Variants in PDZRN3 observed in about 807,000 individuals in gnomAD.
PDZRN3 encodes PDZ domain containing ring finger 3, also known as E3 ubiquitin-protein ligase PDZRN3.
In PDZRN3, 38 loss-of-function variants were observed where a neutral mutation model predicts 85.7. That is an observed-to-expected ratio of 0.44 (90% CI 0.34 to 0.58). The LOEUF (loss-of-function observed/expected upper bound fraction) is 0.58, where lower values mean the gene tolerates loss of function less well. Among genes scored for constraint, PDZRN3 ranks in the 20% least tolerant of loss-of-function variants. The pLI is 0.01. For missense variants in PDZRN3, 1,629 were observed against 1,506.4 expected (o/e 1.08, Z -1.35); for synonymous variants, 759 against 638.0 (o/e 1.19, Z -2.86).
intron 3 of PDZRN3, among the ~76,000 whole-genome samples, chr3:73,445,188 T>G (rs1702723127): frequency 6.6e-6 from 1 of 151,106 alleles, no homozygotes; most frequent in South Asian, 2.1e-4. Context: ...CAGCCAGAAG[T>G]GGATCTGGGA....
intron 3 of PDZRN3, among the ~76,000 whole-genome samples, chr3:73,417,894 T>A (rs1388103149): frequency 6.6e-6 from 1 of 152,162 alleles, no homozygotes; most frequent in Non-Finnish European, 1.5e-5. Flanking sequence ...AAATATTGGC[T>A]TTGCAAGAAG....
intron 3 of PDZRN3, among the ~76,000 whole-genome samples, chr3:73,499,160 A>G (rs895051464): frequency 2.0e-4 from 30 of 152,184 alleles, no homozygotes; most frequent in African/African-American, 7.0e-4. Context: ...CCACCTGCCA[A>G]CAGCATGCCT....
At chr3:73,453,012 G>A (rs925442852) in intron 3 of PDZRN3, among the ~76,000 whole-genome samples, 4 of 152,116 alleles carry the variant, frequency 2.6e-5, no homozygotes, top group Non-Finnish European at 5.9e-5. Context: ...CAAGCAAACT[G>A]ACACTCTGCC....
At chr3:73,406,284 T>A (rs771560297) in intron 3 of PDZRN3, among the ~76,000 whole-genome samples, 5 of 152,230 alleles carry the variant, frequency 3.3e-5, no homozygotes, top group Non-Finnish European at 7.3e-5. Context: ...TAGCTTTCTA[T>A]CCCAAGTGAC....
chr3:73,621,824 T>C (rs1302566365), intron 1 of PDZRN3: 1 of 152,190 alleles, frequency 6.6e-6, no homozygotes, highest in African/African-American at 2.4e-5. Flanking sequence ...GTCTCTAAGC[T>C]TAACATCCTT....
chr3:73,511,319 C>T (rs1415805030), intron 3 of PDZRN3, among the ~76,000 whole-genome samples: 13 of 152,136 alleles, frequency 8.5e-5, no homozygotes, highest in Admixed American at 5.9e-4. Context: ...GGAAGCGGGA[C>T]GACTCTCTTA....
intron 3 of PDZRN3, among the ~76,000 whole-genome samples, chr3:73,470,440 C>T (rs1051131866): frequency 6.6e-6 from 1 of 152,108 alleles, no homozygotes; most frequent in Non-Finnish European, 1.5e-5. Flanking sequence ...TCATTTGAGC[C>T]TCATCCACTA....
chr3:73,384,413 G>A lies in PDZRN3; in HGVS notation c.2153C>T (p.Ser718Phe). Residue 718 changes from serine to phenylalanine, a missense_variant, in exon 10 of 10, where the codon TCC (serine) becomes TTC (phenylalanine). By Grantham distance (155) the Ser-to-Phe change is radical (BLOSUM62 -2). Coordinates refer to ENST00000263666, the MANE Select transcript of PDZRN3 (RefSeq NM_015009.3). Reference protein sequence around the residue: ...MQQLKEQYRESWMLHNSGFRN... With the variant: ...MQQLKEQYREFWMLHNSGFRN... Reference sequence around the variant, plus strand: ...GAAGCCGCTGTTGTGCAGCATCCAGGACTCGCGGTACTGCTCCTTGAGCTG... The same window carrying A: ...GAAGCCGCTGTTGTGCAGCATCCAGAACTCGCGGTACTGCTCCTTGAGCTG... 1.2e-6 allele frequency: 2 copies of A among 1,610,292 alleles called. No individual in the cohort carries two copies. The highest frequency in any genetic ancestry group is 1.7e-6 in the Non-Finnish European group (2 of 1,179,954).
At position 73,624,489 on chromosome 3, in the gene PDZRN3, G is replaced by T; in HGVS notation, c.337C>A (p.Arg113Ser). Residue 113 changes from arginine (R) to serine (S), a missense_variant, in exon 1 of 10, where the codon CGC becomes AGC. Physicochemically the swap from Arg to Ser is moderately radical, Grantham distance 110. Transcript: ENST00000263666. The stretch of plus-strand genomic sequence containing the variant: ...AGCACCTGGCCGCAACCCGCGTGGC[G>T]ACAGCGCGCGGGCGCGAAGTCGCAG... ...ERCDFAPARC[R>S]HAGCGQVLLR... 1 of 1,408,366 alleles carries T rather than the reference G, an allele frequency of 7.1e-7. No homozygotes were observed. The highest frequency in any genetic ancestry group is 1.5e-5 in the South Asian group (1 of 65,204). 87.2% of individuals were successfully genotyped at this position (1,408,366 alleles called of 1,614,324 possible).
intron 7 of PDZRN3, 124 bp downstream of exon 7, chr3:73,389,692 A>G (rs1244357241): frequency 5.5e-6 from 4 of 727,408 alleles, no homozygotes; most frequent in Non-Finnish European, 9.9e-6. Flanking sequence ...CTCACTACAC[A>G]TCTGCGTTTG....
At chr3:73,471,164 G>C (rs1265415917) in intron 3 of PDZRN3, among the ~76,000 whole-genome samples, 1 of 152,090 alleles carries the variant, frequency 6.6e-6, no homozygotes, top group East Asian at 1.9e-4. Flanking sequence ...GGGATATTTT[G>C]ATACAGAGGG....
chr3:73,404,165 G>C lies in PDZRN3; in HGVS notation c.1149C>G (p.Pro383=), dbSNP rs562915743. 6.2e-7 allele frequency: 1 copy of C among 1,613,828 alleles called. No individual in the cohort carries two copies. The highest frequency in any genetic ancestry group is 1.3e-5 in the African/African-American group (1 of 75,058). ...MSSPSPPVLD[P]YLLPEEHPSA... ...TTACTTACTCCTCTGGCAAGAGATA[G>C]GGATCCAGCACGGGTGGGCTGGGAG... Residue 383 remains proline (P), a synonymous_variant, in exon 4 of 10, where the codon CCC becomes CCG. Transcript: ENST00000263666.
At chr3:73,389,764 T>C in intron 7 of PDZRN3, 52 bp downstream of exon 7, 1 of 1,267,944 alleles carries the variant, frequency 7.9e-7, no homozygotes. Context: ...AGAACCAGTT[T>C]GTTCTTTAGT....
At chr3:73,424,561 A>G (rs1702272587) in intron 3 of PDZRN3, among the ~76,000 whole-genome samples, 1 of 150,474 alleles carries the variant, frequency 6.6e-6, no homozygotes, top group African/African-American at 2.4e-5. Context: ...AAAAAAAAAA[A>G]AAAGAATATG....
chr3:73,419,252 T>A (rs1406264386), intron 3 of PDZRN3, among the ~76,000 whole-genome samples: 2 of 152,146 alleles, frequency 1.3e-5, no homozygotes, highest in South Asian at 4.1e-4. Flanking sequence ...TGTACATGAC[T>A]TTGATTATGT....
intron 6 of PDZRN3, among the ~76,000 whole-genome samples, chr3:73,390,618 C>T (rs1454354028): frequency 7.0e-6 from 1 of 142,468 alleles, no homozygotes; most frequent in Non-Finnish European, 1.5e-5. Context: ...ATATATACTC[C>T]ACCAAGAGAA....
rs577913132 is a variant in PDZRN3, at chr3:73,421,750, C to T, written c.919-17355G>A. Reference sequence around the variant, plus strand: ...GCAACCTCCGCCTCCCAGGTTCAAGCGATTCTCCTGCCTCAGCCTCCCAAG... The same window carrying T: ...GCAACCTCCGCCTCCCAGGTTCAAGTGATTCTCCTGCCTCAGCCTCCCAAG... On this transcript the variant is annotated intron_variant, in intron 3 of 9. Transcript: ENST00000263666. Among the ~76,000 whole-genome samples the T allele has an allele frequency of 3.3e-5, 5 of 152,302 alleles. No homozygotes were observed. In the East Asian group the frequency reaches 5.8e-4, roughly 18 times the overall value.
intron 3 of PDZRN3, among the ~76,000 whole-genome samples, chr3:73,585,247 A>T (rs1007534849): frequency 6.6e-6 from 1 of 152,202 alleles, no homozygotes; most frequent in African/African-American, 2.4e-5. Flanking sequence ...AGAAATGTCT[A>T]TTAGGAAGTT....
At chr3:73,517,749 C>T (rs1054735089) in intron 3 of PDZRN3, among the ~76,000 whole-genome samples, 5 of 152,186 alleles carry the variant, frequency 3.3e-5, no homozygotes, top group African/African-American at 9.7e-5. Context: ...ATGTATAATA[C>T]TTTGGTAATA....
Sources: gnomAD v4.1 joint callset for allele counts (sites outside exome capture counted in the v4.1 genomes callset) on GRCh38, gnomAD v4.1.1 for gene constraint, MANE v1.5 for transcripts, NCBI Gene and HGNC (gene_info 2026-07-23, HGNC 2026-07-21) for gene names.